YEATS4: variants seen among roughly 807,000 people sequenced by gnomAD.
YEATS4 encodes the protein YEATS domain-containing protein 4.
In YEATS4, 17 loss-of-function variants were observed where a neutral mutation model predicts 30.1. The observed-to-expected ratio is 0.56, with a 90% CI of 0.39 to 0.85. The LOEUF (loss-of-function observed/expected upper bound fraction) is 0.85. Ranked by LOEUF, YEATS4 falls within the 40% of genes least tolerant of loss-of-function variation. YEATS4 has a pLI of 0.00. For synonymous variants in YEATS4, 85 were observed against 87.5 expected (o/e 0.97, Z 0.16); for missense variants, 142 against 268.3 (o/e 0.53, Z 3.29).
At chr12:69,419,532 A>G in the YEATS4 span, among the ~76,000 whole-genome samples, 1 of 152,096 alleles carries the variant, frequency 6.6e-6, no homozygotes, top group Non-Finnish European at 1.5e-5. Flanking sequence ...AGCCAACTTT[A>G]TAGTCATGGG....
the YEATS4 span, among the ~76,000 whole-genome samples, chr12:69,418,661 A>C: frequency 6.6e-6 from 1 of 152,186 alleles, no homozygotes; most frequent in Non-Finnish European, 1.5e-5. Flanking sequence ...CCTTGGTAGA[A>C]TCTATCCCTG....
chr12:69,423,419 G>C, the YEATS4 span, among the ~76,000 whole-genome samples: 1 of 152,192 alleles, frequency 6.6e-6, no homozygotes, highest in African/African-American at 2.4e-5. Context: ...ATCCTGGAAG[G>C]CTTTCTGAGG....
intron 6 of YEATS4, among the ~76,000 whole-genome samples, chr12:69,381,739 G>A (rs1029030529): frequency 2.6e-5 from 4 of 152,154 alleles, no homozygotes; most frequent in Admixed American, 6.5e-5. Context: ...GGCTTCAGCC[G>A]TTCCCTCCGT....
chr12:69,361,954 T>A, intron 1 of YEATS4, among the ~76,000 whole-genome samples: 1 of 152,242 alleles, frequency 6.6e-6, no homozygotes, highest in East Asian at 1.9e-4. Flanking sequence ...TAAATCAGTT[T>A]ATTTTTTAAA....
the YEATS4 span, among the ~76,000 whole-genome samples, chr12:69,400,702 A>G: frequency 6.6e-6 from 1 of 152,094 alleles, no homozygotes; most frequent in Non-Finnish European, 1.5e-5. Context: ...AAGTTTAAAA[A>G]AAAAAAAAAG....
chr12:69,394,699 T>C (rs754625359), downstream of YEATS4, among the ~76,000 whole-genome samples: 2 of 152,098 alleles, frequency 1.3e-5, no homozygotes, highest in Non-Finnish European at 2.9e-5. Context: ...CCTTGACCTT[T>C]CTGGCTCAGG....
At chr12:69,361,245 G>GTGTGTT (rs1875193634) in intron 1 of YEATS4, 1 of 114,220 alleles carries the variant, frequency 8.8e-6, no homozygotes, top group African/African-American at 4.9e-5. Flanking sequence ...ATACTTATGT[G>GTGTGTT]TGTGTGTGTG....
intron 6 of YEATS4, among the ~76,000 whole-genome samples, chr12:69,373,841 A>G (rs1875738265): frequency 6.6e-6 from 1 of 152,232 alleles, no homozygotes; most frequent in Non-Finnish European, 1.5e-5. Flanking sequence ...TCTTCTGCAT[A>G]TAGATATCCA....
chr12:69,376,871 A>G (rs1374160913), intron 6 of YEATS4, among the ~76,000 whole-genome samples: 3 of 152,118 alleles, frequency 2.0e-5, no homozygotes, highest in Non-Finnish European at 4.4e-5. Context: ...TACAGCTTCA[A>G]TCTTGTTGCT....
At chr12:69,393,721 A>ATG (rs1868332288), downstream of YEATS4, among the ~76,000 whole-genome samples, 1 of 152,160 alleles carries the variant, frequency 6.6e-6, no homozygotes, top group Non-Finnish European at 1.5e-5. Context: ...TGGTAGGGGG[A>ATG]GTAGAAATAC....
chr12:69,417,005 G>A, the YEATS4 span, among the ~76,000 whole-genome samples: 7 of 151,574 alleles, frequency 4.6e-5, no homozygotes, highest in East Asian at 2.0e-4. Flanking sequence ...CCCAGGAGGC[G>A]GAGGTTGCAG....
intron 6 of YEATS4, among the ~76,000 whole-genome samples, chr12:69,374,134 G>C (rs537695759): frequency 3.0e-3 from 347 of 114,666 alleles, no homozygotes; most frequent in African/African-American, 9.8e-3. Flanking sequence ...TAAAATTTTA[G>C]GTTTTGTTTT....
intron 4 of YEATS4, 86 bp downstream of exon 4, chr12:69,365,970 C>A: frequency 1.1e-5 from 11 of 1,010,270 alleles, no homozygotes; most frequent in South Asian, 1.9e-5. Context: ...AGTGTTCATT[C>A]AGATGTGTTT....
Position 69,362,915 on chromosome 12 carries a change from C to A in YEATS4, c.171+8C>A. On this transcript the variant is annotated splice_region_variant and intron_variant, in intron 2 of 6. Transcript: ENST00000247843. ...AAACCATATAGAAATGAGGTAGGCA[C>A]TCGTTTTTTCTGTAACTGTTTTACT... 6.6e-7 allele frequency: 1 copy of A among 1,512,500 alleles called. No homozygotes were observed. Among genetic ancestry groups the A allele is most frequent in the Non-Finnish European group, 8.9e-7 (1 of 1,127,724 alleles). 93.7% of individuals were successfully genotyped at this position (1,512,500 alleles called of 1,614,324 possible).
At chr12:69,365,427 G>A (rs535962248) in intron 2 of YEATS4, among the ~76,000 whole-genome samples, 1 of 151,030 alleles carries the variant, frequency 6.6e-6, no homozygotes, top group African/African-American at 2.4e-5. Context: ...CTCCAGCCTG[G>A]GCAACAAAGC....
At chr12:69,364,229 G>T in intron 2 of YEATS4, 1 of 441,898 alleles carries the variant, frequency 2.3e-6, no homozygotes, top group Non-Finnish European at 4.5e-6. Context: ...CAAGCGGGAG[G>T]ATCGCTTGAG....
chr12:69,381,992 C>T (rs12300197), intron 6 of YEATS4, among the ~76,000 whole-genome samples: 35,706 of 152,130 alleles, frequency 0.23, 5,013 homozygotes, highest in African/African-American at 0.4. Flanking sequence ...TGATCTAACG[C>T]CTCAGCTCCA....
chr12:69,378,366 A>G (rs760798514), intron 6 of YEATS4, among the ~76,000 whole-genome samples: 1 of 151,060 alleles, frequency 6.6e-6, no homozygotes, highest in South Asian at 2.1e-4. Context: ...ATTCACTGAT[A>G]TTGATATTTA....
chr12:69,400,706 A>G, the YEATS4 span, among the ~76,000 whole-genome samples: 5 of 152,172 alleles, frequency 3.3e-5, no homozygotes, highest in South Asian at 1.0e-3. Flanking sequence ...TTAAAAAAAA[A>G]AAAAAGGATG....
Sources: allele counts gnomAD v4.1 joint callset (sites outside exome capture counted in the v4.1 genomes callset), GRCh38; gene constraint gnomAD v4.1.1; transcripts MANE v1.5; gene names NCBI Gene and HGNC (gene_info 2026-07-23, HGNC 2026-07-21).